The following DNMT3B variants were observed in gnomAD, a reference collection of about 807,000 sequenced individuals.
DNMT3B encodes DNA methyltransferase 3 beta.
In DNMT3B, 37 loss-of-function variants were observed where a neutral mutation model predicts 120.2. The ratio of observed to expected loss-of-function variants is 0.31; its 90% confidence interval spans 0.24 to 0.40. DNMT3B has a LOEUF of 0.40. DNMT3B is among the 10% of genes least tolerant of loss of function. The probability of loss-of-function intolerance (pLI) is 1.00; values close to 1 mark genes in which losing one functional copy is unlikely to be tolerated. For synonymous variants in DNMT3B, 412 were observed against 442.8 expected, an observed-to-expected ratio of 0.93 and a Z score of 0.87; for missense variants, 878 against 1,137.3, an observed-to-expected ratio of 0.77 and a Z score of 3.28.
At chr20:32,802,933 C>A (rs963990908) in intron 20 of DNMT3B, among the ~76,000 whole-genome samples, 3 of 152,212 alleles carry the variant, frequency 2.0e-5, no homozygotes, top group Non-Finnish European at 4.4e-5. Context: ...TGTTGATGCT[C>A]CTGCCCTTCA....
In DNMT3B at chr20:32,801,350, G is replaced by A. The variant is rs1568859258; in HGVS notation, c.2069G>A (p.Arg690Gln). Residue 690 changes from arginine to glutamine, a missense_variant, in exon 19 of 23, where the codon CGG (arginine) becomes CAG (glutamine). By Grantham distance (43) the Arg-to-Gln change is conservative. Around this residue, in one of 4 missense-constraint regions of DNMT3B, gnomAD observed 334 missense variants for 518.8 expected, o/e 0.64. Coordinates refer to ENST00000328111, the MANE Select transcript of DNMT3B (RefSeq NM_006892.4). The part of the protein sequence containing the change: ...NYSRPKEGDD[R>Q]PFFWMFENVV... ...TCACGCCCCAAGGAGGGTGATGACC[G>A]GCCGTTCTTCTGGATGTTTGAGAAT... 4 of 1,614,024 alleles carry A rather than the reference G, an allele frequency of 2.5e-6. No homozygotes were observed. The highest frequency in any genetic ancestry group is 1.7e-5 in the Admixed American group (1 of 59,994).
intron 2 of DNMT3B, 84 bp downstream of exon 2, chr20:32,780,549 GTC>G (rs1978487995): frequency 1.3e-6 from 2 of 1,557,984 alleles, no homozygotes; most frequent in Non-Finnish European, 1.7e-6. Flanking sequence ...TTTGGGGAGA[GTC>G]TCTGACAACC....
intron 8 of DNMT3B, among the ~76,000 whole-genome samples, 199 bp from the exon 9 acceptor site, chr20:32,792,427 C>T (rs1980083412): frequency 6.6e-6 from 1 of 152,166 alleles, no homozygotes; most frequent in Non-Finnish European, 1.5e-5. Flanking sequence ...AAAGATTTAA[C>T]CACAACCCCC....
chr20:32,774,085 G>A (rs990202919), intron 1 of DNMT3B, among the ~76,000 whole-genome samples: 2 of 152,028 alleles, frequency 1.3e-5, no homozygotes, highest in Non-Finnish European at 2.9e-5. Flanking sequence ...AGTGTGGACA[G>A]CCTGAGTCTG....
In DNMT3B at chr20:32,798,599, G is replaced by A. The variant is rs775688885; in HGVS notation, c.1630G>A (p.Val544Met). ...GVLRRRKDWN[V>M]RLQAFFTSDT... ...CCTGCGGCGCCGGAAGGACTGGAAC[G>A]TGCGCCTGCAGGCCTTCTTCACCAG... Residue 544 changes from valine (V) to methionine (M), a missense_variant, in exon 15 of 23, where the codon GTG becomes ATG. Transcript: ENST00000328111. 17 of 1,614,086 alleles carry A rather than the reference G, an allele frequency of 1.1e-5. No individual in the cohort carries two copies. Among genetic ancestry groups the A allele is most frequent in the Middle Eastern group, 3.3e-4 (2 of 6,080 alleles).
chr20:32,784,277 A>C (rs1234340629), intron 3 of DNMT3B, among the ~76,000 whole-genome samples: 2 of 152,152 alleles, frequency 1.3e-5, no homozygotes, highest in Admixed American at 1.3e-4. Context: ...AGGTGACCTC[A>C]GTCTGCCCCA....
At chr20:32,805,242 G>C (rs1292412744) in intron 20 of DNMT3B, 96 bp from the exon 21 acceptor site, 2 of 1,434,044 alleles carry the variant, frequency 1.4e-6, no homozygotes, top group African/African-American at 1.4e-5. Flanking sequence ...TCACTGCCAG[G>C]GCACATCTCT....
At chr20:32,789,037 T>C (rs767198587) in intron 7 of DNMT3B, 25 bp downstream of exon 7, 1 of 1,612,774 alleles carries the variant, frequency 6.2e-7, no homozygotes, top group Non-Finnish European at 8.5e-7. Context: ...GGGCAAGGGG[T>C]TCTGCAGGCC....
intron 1 of DNMT3B, among the ~76,000 whole-genome samples, chr20:32,771,802 C>T (rs1401357079): frequency 6.6e-6 from 1 of 152,024 alleles, no homozygotes; most frequent in Non-Finnish European, 1.5e-5. Context: ...TATCTCATAC[C>T]ATATACAAAT....
chr20:32,764,350 G>T (rs1454393020), intron 1 of DNMT3B, among the ~76,000 whole-genome samples: 1 of 152,176 alleles, frequency 6.6e-6, no homozygotes, highest in Non-Finnish European at 1.5e-5. Context: ...CATTGGGCCT[G>T]GGTAAAGAGG....
chr20:32,805,215 T>A, intron 20 of DNMT3B, 123 bp from the exon 21 acceptor site: 1 of 1,243,296 alleles, frequency 8.0e-7, no homozygotes, highest in Admixed American at 1.7e-5. Flanking sequence ...ATTTTCATCA[T>A]TTATTTGTAG....
chr20:32,798,784 A>T, intron 15 of DNMT3B, 141 bp downstream of exon 15: 1 of 1,238,308 alleles, frequency 8.1e-7, no homozygotes, highest in Non-Finnish European at 1.1e-6. Context: ...GACCTGGCGA[A>T]TTGCCAGCTC....
At chr20:32,776,232 GAAA>G (rs35285794) in intron 1 of DNMT3B, among the ~76,000 whole-genome samples, 4 of 142,164 alleles carry the variant, frequency 2.8e-5, no homozygotes, top group African/African-American at 7.6e-5. Context: ...CTTAAAAAAA[GAAA>G]AAAAAAAAAA....
intron 4 of DNMT3B, 59 bp downstream of exon 4, chr20:32,784,918 A>AT: frequency 7.4e-6 from 11 of 1,483,532 alleles, no homozygotes; most frequent in Non-Finnish European, 9.4e-6. Flanking sequence ...TAGCATACAT[A>AT]GCATGCTACA....
Position 32,795,683 on chromosome 20 carries a change from G to T in DNMT3B, c.1286G>T (p.Ser429Ile). The T allele has an allele frequency of 6.2e-7, 1 of 1,614,122 alleles. No individual in the cohort carries two copies. ...QMASDVANNK[S>I]SLEDGCLSCG... ...GCTTCAGATGTTGCCAACAACAAGA[G>T]CAGCCTGGAAGGTAACGTTCTCTCC... The change falls in exon 12 of 23, where the codon AGC (serine) becomes ATC (isoleucine). Residue 429 changes from serine to isoleucine, a missense_variant. By Grantham distance (142) the Ser-to-Ile change is moderately radical. Transcript: ENST00000328111.
chr20:32,803,592 G>T (rs753299743), intron 20 of DNMT3B, among the ~76,000 whole-genome samples: 2 of 152,232 alleles, frequency 1.3e-5, no homozygotes. Context: ...CATGCCGAAG[G>T]GGGAGGGAGA....
At chr20:32,778,174 A>G (rs1988162628) in intron 1 of DNMT3B, among the ~76,000 whole-genome samples, 1 of 152,098 alleles carries the variant, frequency 6.6e-6, no homozygotes, top group African/African-American at 2.4e-5. Flanking sequence ...TGTCTCTACT[A>G]AAAATACAAA....
At chr20:32,767,210 A>C (rs1264358757) in intron 1 of DNMT3B, among the ~76,000 whole-genome samples, 1 of 152,038 alleles carries the variant, frequency 6.6e-6, no homozygotes, top group East Asian at 1.9e-4. Context: ...TTCAATTTTT[A>C]ATGGGGTCCT....
intron 17 of DNMT3B, 33 bp from the exon 18 acceptor site, chr20:32,800,802 C>T (rs774755959): frequency 1.2e-6 from 2 of 1,609,602 alleles, no homozygotes; most frequent in East Asian, 2.2e-5. Context: ...CCTCTGTCCA[C>T]ACCCTCATCC....
Sources: gnomAD v4.1 joint callset for allele counts (sites outside exome capture counted in the v4.1 genomes callset) on GRCh38, gnomAD v4.1.1 for gene constraint, gnomAD v4.1.1 regional missense constraint, MANE v1.5 for transcripts, NCBI Gene and HGNC (gene_info 2026-07-23, HGNC 2026-07-21) for gene names.